NPAS3: variants seen among roughly 807,000 people sequenced by gnomAD.
NPAS3 encodes neuronal PAS domain-containing protein 3.
Under a neutral mutation model 73.1 loss-of-function variants are expected in NPAS3, and 14 were observed. The observed-to-expected ratio is 0.19, with a 90% CI of 0.13 to 0.30. The LOEUF (loss-of-function observed/expected upper bound fraction) is 0.30. Among genes scored for constraint, NPAS3 ranks in the 10% least tolerant of loss-of-function variants. NPAS3 has a pLI of 1.00. For synonymous variants in NPAS3, 620 were observed against 541.5 expected, an observed-to-expected ratio of 1.14 and a Z score of -2.01; for missense variants, 1,096 against 1,250.0, an observed-to-expected ratio of 0.88 and a Z score of 1.86.
intron 4 of NPAS3, among the ~76,000 whole-genome samples, chr14:33,541,126 T>TGC (rs1356290093): frequency 3.3e-5 from 5 of 150,572 alleles, no homozygotes; most frequent in African/African-American, 4.9e-5. Flanking sequence ...TGTGTGTGTG[T>TGC]GCATGCACAC....
rs76596982 is a variant in NPAS3, at chr14:33,317,217, A to T, written c.386-49969A>T. ...TCAGTGCTATTAATGATTGAATAACATTAGCTTTTCCATGGCAGAAGTATT... is the reference window on the plus strand; with the variant it reads ...TCAGTGCTATTAATGATTGAATAACTTTAGCTTTTCCATGGCAGAAGTATT... On this transcript the variant is annotated intron_variant, in intron 3 of 11. Transcript: ENST00000356141. Among the ~76,000 whole-genome samples, 1,176 of 152,234 alleles carry T rather than the reference A, an allele frequency of 7.7e-3. 69 individuals carry two copies. The East Asian group carries it at 0.14, about 18-fold the overall frequency.
chr14:33,593,123 G>A (rs997892214), intron 5 of NPAS3, among the ~76,000 whole-genome samples: 58 of 152,050 alleles, frequency 3.8e-4, no homozygotes, highest in African/African-American at 1.4e-3. Context: ...TTAAATAGCA[G>A]CACCTATCGT....
chr14:33,691,885 C>T lies in NPAS3; in HGVS notation c.733+15500C>T, dbSNP rs2060245757. On this transcript the variant is annotated intron_variant, in intron 6 of 11. Coordinates refer to ENST00000356141, the Ensembl canonical transcript of NPAS3. The stretch of plus-strand genomic sequence containing the variant: ...CAAATAGCTACATTGAGAATAAACT[C>T]AAAAATTATCACCAAGGCCCTTCCT... 2.6e-5 allele frequency among the ~76,000 whole-genome samples: 4 copies of T among 152,084 alleles called. No individual in the cohort carries two copies. In the South Asian group the frequency reaches 8.3e-4, roughly 32 times the overall value.
intron 2 of NPAS3, among the ~76,000 whole-genome samples, chr14:33,124,074 G>C (rs1214204302): frequency 6.6e-6 from 1 of 151,728 alleles, no homozygotes; most frequent in Non-Finnish European, 1.5e-5. Flanking sequence ...GGCTGGTCTT[G>C]AATTCCTGGG....
At chr14:33,615,607 C>A (rs961152889) in intron 5 of NPAS3, among the ~76,000 whole-genome samples, 3 of 152,178 alleles carry the variant, frequency 2.0e-5, no homozygotes, top group African/African-American at 7.2e-5. Flanking sequence ...CCACTGTAGT[C>A]CTGACTTATC....
intron 1 of NPAS3, among the ~76,000 whole-genome samples, chr14:33,035,327 G>A (rs1055672555): frequency 2.0e-5 from 3 of 152,038 alleles, no homozygotes; most frequent in Non-Finnish European, 4.4e-5. Context: ...TTTTGATGGG[G>A]CTAGGACTTG....
chr14:33,666,517 T>C (rs1595392951), intron 5 of NPAS3, among the ~76,000 whole-genome samples: 1 of 152,344 alleles, frequency 6.6e-6, no homozygotes. Flanking sequence ...CCCAGATCTC[T>C]GGAGCCAGAA....
At chr14:33,481,791 TA>T (rs199955996) in intron 4 of NPAS3, among the ~76,000 whole-genome samples, 3 of 150,410 alleles carry the variant, frequency 2.0e-5, no homozygotes, top group Non-Finnish European at 4.4e-5. Context: ...ATCAAAAAAA[TA>T]AAAAAAAATA....
chr14:33,297,329 G>A (rs1421821746), intron 3 of NPAS3, among the ~76,000 whole-genome samples: 1 of 152,060 alleles, frequency 6.6e-6, no homozygotes, highest in East Asian at 1.9e-4. Context: ...GCTATATAAT[G>A]TATCATAAGC....
chr14:33,431,242 G>A (rs573942693), intron 4 of NPAS3, among the ~76,000 whole-genome samples: 265 of 152,208 alleles, frequency 1.7e-3, no homozygotes, highest in African/African-American at 6.1e-3. Flanking sequence ...GGCTTTTCCA[G>A]CCTCTCATGT....
chr14:33,002,173 G>A (rs2139575695), intron 1 of NPAS3, among the ~76,000 whole-genome samples: 1 of 152,274 alleles, frequency 6.6e-6, no homozygotes, highest in Non-Finnish European at 1.5e-5. Flanking sequence ...CTATAAAAAT[G>A]TTTGTGTGCA....
At chr14:33,673,821 A>C (rs2059678288) in intron 5 of NPAS3, among the ~76,000 whole-genome samples, 2 of 152,340 alleles carry the variant, frequency 1.3e-5, no homozygotes, top group Admixed American at 1.3e-4. Flanking sequence ...GGGAGGTTAA[A>C]TTAATTGTCC....
chr14:33,575,742 A>T (rs1013984080), intron 5 of NPAS3, among the ~76,000 whole-genome samples: 2 of 152,212 alleles, frequency 1.3e-5, no homozygotes, highest in Non-Finnish European at 2.9e-5. Context: ...ACAGTAAATG[A>T]TTATAAGATA....
intron 5 of NPAS3, among the ~76,000 whole-genome samples, chr14:33,664,891 G>A (rs191534385): frequency 3.2e-4 from 48 of 152,294 alleles, no homozygotes; most frequent in Admixed American, 1.6e-3. Flanking sequence ...AGATAGGAAC[G>A]CTTTTACACC....
At chr14:33,082,045 A>G (rs2041876938) in intron 2 of NPAS3, among the ~76,000 whole-genome samples, 1 of 152,226 alleles carries the variant, frequency 6.6e-6, no homozygotes, top group Admixed American at 6.5e-5. Context: ...GCACTATTAA[A>G]GCATCCGTGG....
At chr14:33,709,412 G>A (rs773647809) in intron 6 of NPAS3, among the ~76,000 whole-genome samples, 3 of 152,106 alleles carry the variant, frequency 2.0e-5, no homozygotes, top group East Asian at 1.9e-4. Flanking sequence ...GCTACTTCCC[G>A]CCCCCATTCT....
chr14:33,341,995 C>T (rs1318054246), intron 3 of NPAS3, among the ~76,000 whole-genome samples: 5 of 152,142 alleles, frequency 3.3e-5, no homozygotes, highest in African/African-American at 1.2e-4. Flanking sequence ...TACCTCATCA[C>T]GATGCCCTGG....
chr14:33,471,920 A>G (rs1390299364), intron 4 of NPAS3, among the ~76,000 whole-genome samples: 2 of 152,174 alleles, frequency 1.3e-5, no homozygotes, highest in East Asian at 1.9e-4. Flanking sequence ...GATCAGTGGC[A>G]TTGGATTCTC....
At chr14:33,193,411 AC>A (rs1288075327) in intron 2 of NPAS3, among the ~76,000 whole-genome samples, 1 of 152,136 alleles carries the variant, frequency 6.6e-6, no homozygotes, top group Non-Finnish European at 1.5e-5. Context: ...ATCAGTAAAC[AC>A]ATACTCAGAT....
Sources: gnomAD v4.1 joint callset for allele counts (sites outside exome capture counted in the v4.1 genomes callset) on GRCh38, gnomAD v4.1.1 for gene constraint, MANE v1.5 for transcripts, NCBI Gene and HGNC (gene_info 2026-07-23, HGNC 2026-07-21) for gene names.